ANKRD10: variants seen among roughly 807,000 people sequenced by gnomAD.
ANKRD10 encodes ankyrin repeat domain-containing protein 10.
A neutral mutation model predicts 27.0 loss-of-function variants in ANKRD10; 14 were observed. The observed-to-expected ratio is 0.52, with a 90% CI of 0.34 to 0.81. The LOEUF (loss-of-function observed/expected upper bound fraction) is 0.81. Among genes scored for constraint, ANKRD10 ranks in the 40% least tolerant of loss-of-function variants. ANKRD10 has a pLI of 0.01. For missense variants in ANKRD10, 493 were observed against 544.0 expected (o/e 0.91, Z 0.93); for synonymous variants, 250 against 224.5 (o/e 1.11, Z -1.01).
At chr13:110,906,266 A>C in intron 2 of ANKRD10, 142 bp from the exon 3 acceptor site, 6 of 658,430 alleles carry the variant, frequency 9.1e-6, no homozygotes, top group Non-Finnish European at 1.5e-5. Context: ...AGCAGAACAC[A>C]AAGAAATCTA....
At position 110,900,503 on chromosome 13, in the gene ANKRD10, G is replaced by A. The variant is rs780859928; in HGVS notation, c.455+5530C>T. The A allele has an allele frequency of 4.9e-5, 62 of 1,252,694 alleles. 1 individual carries two copies. The highest frequency in any genetic ancestry group is 5.9e-5 in the Non-Finnish European group (57 of 972,144). 77.6% of individuals were successfully genotyped at this position (1,252,694 alleles called of 1,614,324 possible). On this transcript the variant is annotated intron_variant, in intron 3 of 5. Coordinates refer to ENST00000267339, the MANE Select transcript of ANKRD10 (RefSeq NM_017664.4). ...TCTCTATCTGAATTCCTAGATTAGCGTTAAAACCAATCACCGCAACAAATA... is the reference window on the plus strand; with the variant it reads ...TCTCTATCTGAATTCCTAGATTAGCATTAAAACCAATCACCGCAACAAATA...
intron 3 of ANKRD10, chr13:110,900,783 A>G: frequency 1.2e-6 from 1 of 837,716 alleles, no homozygotes; most frequent in Admixed American, 2.3e-5. Flanking sequence ...CAGGAAACTT[A>G]AATAATAAGG....
rs560154544 is a variant in ANKRD10 at position 110,900,860 on chromosome 13, T to C, written c.455+5173A>G. 51 of 367,324 alleles carry C rather than the reference T, an allele frequency of 1.4e-4. 1 individual carries two copies. Among genetic ancestry groups the C allele is most frequent in the South Asian group, 1.1e-3 (50 of 45,444 alleles). 22.8% of individuals were successfully genotyped at this position (367,324 alleles called of 1,614,324 possible). On this transcript the variant is annotated intron_variant, in intron 3 of 5. Transcript: ENST00000267339. ...GACAACATAAGGTGCAGAAGCACAC[T>C]GAGCTTAAGCCATTGTCATGTGACC...
intron 3 of ANKRD10, chr13:110,899,232 C>T (rs2065316537): frequency 6.6e-6 from 1 of 152,134 alleles, no homozygotes; most frequent in South Asian, 2.1e-4. Context: ...ATTAAAGTAT[C>T]CAGAAGAGTT....
At chr13:110,884,872 C>A (rs1292249749) in intron 4 of ANKRD10, among the ~76,000 whole-genome samples, 2 of 152,186 alleles carry the variant, frequency 1.3e-5, no homozygotes, top group Non-Finnish European at 2.9e-5. Context: ...TGGAACTTTG[C>A]AGCTTGAATT....
chr13:110,885,218 G>A (rs147894666), intron 4 of ANKRD10, among the ~76,000 whole-genome samples: 49 of 151,928 alleles, frequency 3.2e-4, no homozygotes, highest in African/African-American at 1.2e-3. Flanking sequence ...ACTTTTAAGA[G>A]ATCAGTGTGT....
At chr13:110,912,212 G>A (rs1722436647) in intron 1 of ANKRD10, among the ~76,000 whole-genome samples, 1 of 152,202 alleles carries the variant, frequency 6.6e-6, no homozygotes, top group African/African-American at 2.4e-5. Context: ...AGCTATGCCT[G>A]ACTGCAAGCA....
Position 110,892,926 on chromosome 13 carries a change from G to T in ANKRD10, c.691+102C>A, listed in dbSNP as rs2065121713. 5.3e-6 allele frequency: 8 copies of T among 1,504,220 alleles called. No individual in the cohort carries two copies. The Admixed American group carries it at 1.3e-4, about 25-fold the overall frequency. 93.2% of individuals were successfully genotyped at this position (1,504,220 alleles called of 1,614,324 possible). A position where few individuals can be genotyped will look rare whatever the true frequency, so the allele number is the denominator to read the frequency against. The stretch of plus-strand genomic sequence containing the variant: ...CAATCCACCAGGCGCATTACCACCT[G>T]AAGTGAAGGTCTCATCTCGAAGGTG... On this transcript the variant is annotated intron_variant, in intron 4 of 5. Transcript: ENST00000267339.
At chr13:110,898,173 C>T (rs2065279408) in intron 3 of ANKRD10, among the ~76,000 whole-genome samples, 1 of 152,162 alleles carries the variant, frequency 6.6e-6, no homozygotes, top group Non-Finnish European at 1.5e-5. Context: ...TTTTTGGTTA[C>T]ATGTTCTAAG....
chr13:110,910,678 A>G lies in ANKRD10; in HGVS notation c.303T>C (p.Phe101=), dbSNP rs146756849. The part of the protein sequence containing the change: ...YAQTPAHIAA[F]GGHPQCLVWL... The stretch of plus-strand genomic sequence containing the variant: ...AGACCAGGCACTGAGGATGTCCCCC[A>G]AAGGCTGCAATGTGGGCTGGCGTCT... The change falls in exon 2 of 6, where the codon TTT becomes TTC. Residue 101 remains phenylalanine, a synonymous_variant. Coordinates refer to ENST00000267339, the MANE Select transcript of ANKRD10 (RefSeq NM_017664.4). 2.4e-5 allele frequency: 39 copies of G among 1,614,008 alleles called. No homozygotes were observed. In the African/African-American group the frequency reaches 3.5e-4, roughly 14 times the overall value.
intron 4 of ANKRD10, among the ~76,000 whole-genome samples, chr13:110,887,707 G>A (rs1056404873): frequency 2.6e-5 from 4 of 152,208 alleles, no homozygotes; most frequent in African/African-American, 9.6e-5. Context: ...AATGAACTTA[G>A]GCAAAGCTTG....
intron 2 of ANKRD10, among the ~76,000 whole-genome samples, 186 bp from the exon 3 acceptor site, chr13:110,906,310 G>A (rs928868661): frequency 6.6e-6 from 1 of 152,012 alleles, no homozygotes; most frequent in Non-Finnish European, 1.5e-5. Flanking sequence ...AACCAGGAGG[G>A]GCCAAGATAT....
At chr13:110,910,815 A>G (rs768315066) in intron 1 of ANKRD10, 45 bp from the exon 2 acceptor site, 1 of 1,568,800 alleles carries the variant, frequency 6.4e-7, no homozygotes, top group African/African-American at 1.4e-5. Context: ...ACATGTCAGT[A>G]CACTATTCAA....
chr13:110,906,312 C>T (rs2065532656), intron 2 of ANKRD10, among the ~76,000 whole-genome samples, 188 bp from the exon 3 acceptor site: 1 of 152,020 alleles, frequency 6.6e-6, no homozygotes, highest in African/African-American at 2.4e-5. Context: ...CCAGGAGGGG[C>T]CAAGATATTT....
At chr13:110,897,535 CAG>C (rs1416128395) in intron 3 of ANKRD10, among the ~76,000 whole-genome samples, 1 of 151,990 alleles carries the variant, frequency 6.6e-6, no homozygotes, top group Non-Finnish European at 1.5e-5. Flanking sequence ...CTGAGAATAA[CAG>C]AATTTTGTTT....
intron 4 of ANKRD10, among the ~76,000 whole-genome samples, chr13:110,885,495 C>A (rs1408512104): frequency 6.6e-6 from 1 of 151,932 alleles, no homozygotes; most frequent in African/African-American, 2.4e-5. Context: ...TTGCATTGAA[C>A]AGAGATTGCG....
chr13:110,899,828 CAA>C (rs11307438), intron 3 of ANKRD10, among the ~76,000 whole-genome samples: 52,013 of 150,272 alleles, frequency 0.35, 9,456 homozygotes, highest in South Asian at 0.43. Context: ...AAGTAACTTG[CAA>C]AAAAAAAAAA....
intron 2 of ANKRD10, among the ~76,000 whole-genome samples, chr13:110,906,721 A>G (rs1027842733): frequency 6.6e-6 from 1 of 152,142 alleles, no homozygotes; most frequent in Non-Finnish European, 1.5e-5. Context: ...AATATTCCCA[A>G]TCTATTTTCA....
chr13:110,879,938 C>T lies in ANKRD10; in HGVS notation c.962G>A (p.Ser321Asn), dbSNP rs1566442249. The change falls in exon 6 of 6, where the codon AGT (serine) becomes AAT (asparagine). Residue 321 changes from serine (S) to asparagine (N), a missense_variant. Transcript: ENST00000267339. The part of the protein sequence containing the change: ...SGLAPGQPFP[S>N]SQGSLCISGT... Reference sequence around the variant, plus strand: ...ACTAATGCAGAGAGAACCCTGGCTACTCGGAAACGGCTGTCCTGGGGCTAA... The same window carrying T: ...ACTAATGCAGAGAGAACCCTGGCTATTCGGAAACGGCTGTCCTGGGGCTAA... The T allele has an allele frequency of 1.9e-6, 3 of 1,614,222 alleles. No individual in the cohort carries two copies. Among genetic ancestry groups the T allele is most frequent in the Non-Finnish European group, 2.5e-6 (3 of 1,180,034 alleles).
Sources: allele counts gnomAD v4.1 joint callset (sites outside exome capture counted in the v4.1 genomes callset), GRCh38; gene constraint gnomAD v4.1.1; transcripts MANE v1.5; gene names NCBI Gene and HGNC (gene_info 2026-07-23, HGNC 2026-07-21).